Variants in DOCK1 observed in about 807,000 individuals in gnomAD.
The protein encoded by DOCK1 is dedicator of cytokinesis protein 1.
In DOCK1, 138 loss-of-function variants were observed where a neutral mutation model predicts 262.7. The observed-to-expected ratio is 0.53, with a 90% confidence interval of 0.46 to 0.61. DOCK1 has a LOEUF of 0.61. Among genes scored for constraint, DOCK1 ranks in the 20% least tolerant of loss-of-function variants. DOCK1 has a pLI of 0.00. For synonymous variants in DOCK1, 866 were observed against 867.4 expected (o/e 1.00, Z 0.03); for missense variants, 1,908 against 2,370.7 (o/e 0.80, Z 4.05).
At chr10:127,303,029 G>A (rs917152923) in intron 29 of DOCK1, among the ~76,000 whole-genome samples, 5 of 152,128 alleles carry the variant, frequency 3.3e-5, no homozygotes, top group African/African-American at 1.2e-4. Flanking sequence ...AAAACACCAT[G>A]TCCTGTTAAG....
chr10:127,407,525 G>A (rs1266116800), intron 40 of DOCK1, among the ~76,000 whole-genome samples: 1 of 152,090 alleles, frequency 6.6e-6, no homozygotes, highest in African/African-American at 2.4e-5. Flanking sequence ...ACCACAGCAG[G>A]GATCAATTGA....
At chr10:127,425,182 G>C (rs1054283964) in intron 46 of DOCK1, among the ~76,000 whole-genome samples, 2 of 152,194 alleles carry the variant, frequency 1.3e-5, no homozygotes, top group Non-Finnish European at 2.9e-5. Context: ...CTGAGTCCAA[G>C]CCCTGGGGGG....
chr10:126,998,505 G>A (rs2040367881), intron 8 of DOCK1: 1 of 395,738 alleles, frequency 2.5e-6, no homozygotes, highest in East Asian at 3.7e-5. Flanking sequence ...CACTCTGGCC[G>A]TATCTTAAGA....
Position 127,165,915 on chromosome 10 carries a change from G to A in DOCK1, c.2847+38151G>A, listed in dbSNP as rs969583722. ...GGGGATCTCTGCTGTCTCTAGCACCGGAAAGATGCTTTCTCCAGAAGATGA... is the reference window on the plus strand; with the variant it reads ...GGGGATCTCTGCTGTCTCTAGCACCAGAAAGATGCTTTCTCCAGAAGATGA... On this transcript the variant is annotated intron_variant, in intron 27 of 51. Coordinates refer to ENST00000623213, the MANE Select transcript of DOCK1 (RefSeq NM_001290223.2). 3.9e-5 allele frequency among the ~76,000 whole-genome samples: 6 copies of A among 152,254 alleles called. No homozygotes were observed. In the East Asian group the frequency reaches 7.7e-4, roughly 20 times the overall value.
intron 21 of DOCK1, among the ~76,000 whole-genome samples, chr10:127,045,243 C>T (rs1480083029): frequency 2.1e-5 from 3 of 139,926 alleles, no homozygotes. Flanking sequence ...GTCATTCAAT[C>T]TATGGAATCT....
intron 44 of DOCK1, 97 bp downstream of exon 44, chr10:127,415,335 G>A: frequency 8.2e-7 from 1 of 1,216,022 alleles, no homozygotes; most frequent in Non-Finnish European, 1.2e-6. Flanking sequence ...GGTCACTGTG[G>A]CAGCGTGCAC....
chr10:127,374,415 C>T (rs1006944030), intron 35 of DOCK1, among the ~76,000 whole-genome samples: 1 of 152,174 alleles, frequency 6.6e-6, no homozygotes. Flanking sequence ...ATTGTCCCAT[C>T]TCTGGACGTT....
chr10:127,048,808 G>T (rs75449592), intron 21 of DOCK1, among the ~76,000 whole-genome samples: 10,545 of 152,208 alleles, frequency 0.069, 438 homozygotes, highest in East Asian at 0.13. Context: ...ACAGAATTCA[G>T]CATCTGTTTA....
chr10:127,433,477 G>A (rs771594476), intron 48 of DOCK1, 49 bp downstream of exon 48: 3 of 1,586,412 alleles, frequency 1.9e-6, no homozygotes, highest in East Asian at 2.3e-5. Flanking sequence ...GGGCTTGGGG[G>A]ATCTGGAAGG....
intron 21 of DOCK1, among the ~76,000 whole-genome samples, chr10:127,046,372 G>A (rs1468350776): frequency 6.6e-6 from 1 of 152,176 alleles, no homozygotes; most frequent in East Asian, 1.9e-4. Flanking sequence ...GCGAGCAGGA[G>A]TGTGACTCTG....
At chr10:127,265,552 A>G (rs1234879797) in intron 29 of DOCK1, among the ~76,000 whole-genome samples, 4 of 152,098 alleles carry the variant, frequency 2.6e-5, no homozygotes, top group East Asian at 1.9e-4. Flanking sequence ...CCTTCTTTCA[A>G]CCAGGAAGTG....
chr10:127,063,538 T>C (rs2045672994), intron 23 of DOCK1, among the ~76,000 whole-genome samples: 1 of 152,180 alleles, frequency 6.6e-6, no homozygotes, highest in Non-Finnish European at 1.5e-5. Context: ...AGGTGGTGCA[T>C]ACATTAAAAT....
intron 27 of DOCK1, among the ~76,000 whole-genome samples, chr10:127,185,286 T>C (rs2056123274): frequency 6.6e-6 from 1 of 152,138 alleles, no homozygotes; most frequent in Non-Finnish European, 1.5e-5. Flanking sequence ...CCCAGCACTT[T>C]GGGAGGCTGA....
intron 43 of DOCK1, among the ~76,000 whole-genome samples, chr10:127,412,432 T>C (rs2067914657): frequency 6.6e-6 from 1 of 152,170 alleles, no homozygotes; most frequent in African/African-American, 2.4e-5. Flanking sequence ...AAGCCATAAT[T>C]TTTTTAAAAT....
chr10:126,938,266 T>C (rs1448302410), intron 1 of DOCK1, among the ~76,000 whole-genome samples: 1 of 152,154 alleles, frequency 6.6e-6, no homozygotes, highest in African/African-American at 2.4e-5. Context: ...CAGGCTTGTC[T>C]CAAACTCCCG....
intron 49 of DOCK1, among the ~76,000 whole-genome samples, chr10:127,441,936 T>A (rs187586759): frequency 1.8e-3 from 273 of 152,138 alleles, no homozygotes; most frequent in African/African-American, 6.1e-3. Context: ...GTGCCCTCCC[T>A]GGGATGCAGG....
At chr10:127,066,599 G>A (rs1469071048) in intron 23 of DOCK1, among the ~76,000 whole-genome samples, 1 of 152,170 alleles carries the variant, frequency 6.6e-6, no homozygotes, top group Non-Finnish European at 1.5e-5. Flanking sequence ...AGTAGAACCA[G>A]TGCGTTCCCC....
At chr10:126,983,679 CAT>C in intron 4 of DOCK1, among the ~76,000 whole-genome samples, 1 of 152,312 alleles carries the variant, frequency 6.6e-6, no homozygotes, top group South Asian at 2.1e-4. Flanking sequence ...GGCTCTCTCT[CAT>C]GTGATCTCTC....
At chr10:126,963,637 T>TCCCTTCCCTCCCCTC (rs1414014690) in intron 1 of DOCK1, among the ~76,000 whole-genome samples, 2 of 57,596 alleles carry the variant, frequency 3.5e-5, no homozygotes, top group African/African-American at 8.3e-5. Flanking sequence ...TCCCTTCCCT[T>TCCCTTCCCTCCCCTC]CCCTCCTTCC....
Sources: gnomAD v4.1 joint callset for allele counts (sites outside exome capture counted in the v4.1 genomes callset) on GRCh38, gnomAD v4.1.1 for gene constraint, MANE v1.5 for transcripts, NCBI Gene and HGNC (gene_info 2026-07-23, HGNC 2026-07-21) for gene names.